Variants in CDHR2 observed in about 807,000 individuals in gnomAD.
CDHR2 encodes the protein cadherin related family member 2.
A neutral mutation model predicts 138.6 loss-of-function variants in CDHR2; 104 were observed. The ratio of observed to expected loss-of-function variants is 0.75; its 90% CI spans 0.64 to 0.88. CDHR2 has a LOEUF of 0.88. Among genes scored for constraint, CDHR2 ranks in the 40% least tolerant of loss-of-function variants. The probability of loss-of-function intolerance (pLI) is 0.00; values close to 1 mark genes in which losing one functional copy is unlikely to be tolerated. For synonymous variants in CDHR2, 755 were observed against 742.8 expected, an observed-to-expected ratio of 1.02 and a Z score of -0.27; for missense variants, 1,624 against 1,727.6, an observed-to-expected ratio of 0.94 and a Z score of 1.06.
intron 1 of CDHR2, among the ~76,000 whole-genome samples, chr5:176,560,532 C>T (rs1757941618): frequency 6.6e-6 from 1 of 152,152 alleles, no homozygotes; most frequent in Non-Finnish European, 1.5e-5. Flanking sequence ...TCTGCCATAC[C>T]ACTTAAAGCG....
chr5:176,564,720 C>G (rs114480166), intron 1 of CDHR2, among the ~76,000 whole-genome samples: 1 of 151,932 alleles, frequency 6.6e-6, no homozygotes, highest in Non-Finnish European at 1.5e-5. Context: ...TCTGCTGTGG[C>G]GCATCTCAGA....
At chr5:176,586,883 CA>C in intron 21 of CDHR2, 41 bp downstream of exon 21, 1 of 1,550,130 alleles carries the variant, frequency 6.5e-7, no homozygotes, top group African/African-American at 1.4e-5. Context: ...ATATGAGCCC[CA>C]GGGGACACAG....
intron 1 of CDHR2, among the ~76,000 whole-genome samples, chr5:176,551,800 C>G (rs1757710641): frequency 6.8e-6 from 1 of 146,700 alleles, no homozygotes; most frequent in Non-Finnish European, 1.5e-5. Context: ...TTCCCGGGTT[C>G]ACGCCATTCT....
chr5:176,584,827 T>C lies in CDHR2; in HGVS notation c.2546T>C (p.Ile849Thr). ...SAQLEIQLVNILCTKAGVDVG... is the reference protein window; with the variant it reads ...SAQLEIQLVNTLCTKAGVDVG... The stretch of plus-strand genomic sequence containing the variant: ...CAGCTGGAGATACAGCTTGTGAACA[T>C]TCTCTGCACCAAGGCCGGGGTCGAT... The change falls in exon 19 of 32, where the codon ATT becomes ACT. Residue 849 changes from isoleucine (I) to threonine (T), a missense_variant. By Grantham distance (89) the Ile-to-Thr change is moderately conservative. Coordinates refer to ENST00000261944, the MANE Select transcript of CDHR2 (RefSeq NM_017675.6). 6.2e-7 allele frequency: 1 copy of C among 1,614,126 alleles called. No homozygotes were observed. Among genetic ancestry groups the C allele is most frequent in the Non-Finnish European group, 8.5e-7 (1 of 1,180,016 alleles).
At chr5:176,560,395 T>G (rs990386250) in intron 1 of CDHR2, among the ~76,000 whole-genome samples, 4 of 150,692 alleles carry the variant, frequency 2.7e-5, no homozygotes, top group Admixed American at 2.0e-4. Context: ...AAACTCTGTC[T>G]CAATAAATAA....
intron 7 of CDHR2, among the ~76,000 whole-genome samples, chr5:176,574,449 C>T (rs142382813): frequency 6.6e-6 from 1 of 152,290 alleles, no homozygotes; most frequent in East Asian, 1.9e-4. Context: ...GTGTGTAAAC[C>T]CATTTCTCAT....
chr5:176,581,221 G>A, intron 16 of CDHR2, 122 bp from the exon 17 acceptor site: 1 of 1,306,780 alleles, frequency 7.7e-7, no homozygotes, highest in East Asian at 2.5e-5. Context: ...ATGGGCCCAG[G>A]GGCTCCAGGC....
upstream of CDHR2, among the ~76,000 whole-genome samples, chr5:176,546,101 C>T (rs1034243560): frequency 6.6e-6 from 1 of 152,174 alleles, no homozygotes; most frequent in Non-Finnish European, 1.5e-5. Flanking sequence ...GAGCGGGGAG[C>T]CTGGAGCCTT....
intron 1 of CDHR2, 64 bp from the exon 2 acceptor site, chr5:176,565,274 A>G: frequency 1.7e-6 from 2 of 1,211,876 alleles, no homozygotes; most frequent in South Asian, 2.4e-5. Flanking sequence ...ACCCAGGCAG[A>G]TGGGAGTCTG....
At position 176,569,789 on chromosome 5, in the gene CDHR2, A is replaced by T. The variant is rs186200544; in HGVS notation, c.315+779A>T. On this transcript the variant is annotated intron_variant, in intron 5 of 31. Transcript: ENST00000261944. ...CCCTGGCCAACATGGAGAAACCCCC[A>T]TCTCTACTAAAAATACAAAAATTAG... 7.6e-3 allele frequency among the ~76,000 whole-genome samples: 1,150 copies of T among 152,010 alleles called. 12 individuals carry two copies. The highest frequency in any genetic ancestry group is 8.2e-3 in the Non-Finnish European group (554 of 67,956).
chr5:176,595,388 G>T, intron 31 of CDHR2, 144 bp from the exon 32 acceptor site: 1 of 880,312 alleles, frequency 1.1e-6, no homozygotes, highest in Non-Finnish European at 1.7e-6. Context: ...ACACAGCCTG[G>T]ACCAGAGGCC....
At chr5:176,556,192 T>C (rs58276166) in intron 1 of CDHR2, among the ~76,000 whole-genome samples, 1,670 of 152,296 alleles carry the variant, frequency 0.011, 34 homozygotes, top group African/African-American at 0.038. Flanking sequence ...CACAGCAATA[T>C]GGGCATTTAA....
chr5:176,564,791 C>G (rs1758042601), intron 1 of CDHR2, among the ~76,000 whole-genome samples: 4 of 152,134 alleles, frequency 2.6e-5, no homozygotes, highest in African/African-American at 9.6e-5. Flanking sequence ...CTAGATGTAT[C>G]AGCAGGTGAA....
intron 16 of CDHR2, among the ~76,000 whole-genome samples, chr5:176,580,908 A>G (rs1581144716): frequency 6.6e-6 from 1 of 152,194 alleles, no homozygotes; most frequent in Non-Finnish European, 1.5e-5. Context: ...AAAAATATGT[A>G]TATAGCACTG....
chr5:176,550,309 A>G (rs1184798672), intron 1 of CDHR2, among the ~76,000 whole-genome samples: 1 of 152,240 alleles, frequency 6.6e-6, no homozygotes, highest in Non-Finnish European at 1.5e-5. Flanking sequence ...ATCTGAACCC[A>G]GGGCTGTTTG....
chr5:176,568,418 G>A (rs1277334529), intron 3 of CDHR2, among the ~76,000 whole-genome samples: 1 of 152,246 alleles, frequency 6.6e-6, no homozygotes. Flanking sequence ...AGAGGGCAGG[G>A]CCACAGGCTT....
chr5:176,570,264 CCACATAGTTGTT>C (rs1300745977), intron 5 of CDHR2, among the ~76,000 whole-genome samples: 2 of 152,218 alleles, frequency 1.3e-5, no homozygotes, highest in Non-Finnish European at 2.9e-5. Context: ...CCTCTGGTGT[CCACATAGTTGTT>C]CACAGCTTTA....
At chr5:176,563,122 C>T (rs1337397231) in intron 1 of CDHR2, among the ~76,000 whole-genome samples, 2 of 152,068 alleles carry the variant, frequency 1.3e-5, no homozygotes, top group Non-Finnish European at 2.9e-5. Flanking sequence ...CCGAGGCAGG[C>T]AGATCACTTG....
Position 176,589,022 on chromosome 5 carries a change from T to C in CDHR2, c.2857-9T>C, listed in dbSNP as rs751626760. Reference sequence around the variant, plus strand: ...TGGGCCCCCAGATATTGTCCACTCTTGCTCCCAGGCCAGAGACGATGATTC... The same window carrying C: ...TGGGCCCCCAGATATTGTCCACTCTCGCTCCCAGGCCAGAGACGATGATTC... On this transcript the variant is annotated splice_polypyrimidine_tract_variant and intron_variant, in intron 21 of 31. Coordinates refer to ENST00000261944, the MANE Select transcript of CDHR2 (RefSeq NM_017675.6). The C allele has an allele frequency of 1.2e-6, 2 of 1,613,828 alleles. No homozygotes were observed. The highest frequency in any genetic ancestry group is 2.2e-5 in the South Asian group (2 of 91,068).
Sources: gnomAD v4.1 joint callset for allele counts (sites outside exome capture counted in the v4.1 genomes callset) on GRCh38, gnomAD v4.1.1 for gene constraint, MANE v1.5 for transcripts, NCBI Gene and HGNC (gene_info 2026-07-23, HGNC 2026-07-21) for gene names.